ETV1: variants seen among roughly 807,000 people sequenced by gnomAD.
ETV1 encodes ETS variant transcription factor 1.
Under a neutral mutation model 62.3 loss-of-function variants are expected in ETV1, and 27 were observed. The observed-to-expected ratio is 0.43, with a 90% confidence interval of 0.32 to 0.60. The LOEUF (loss-of-function observed/expected upper bound fraction) is 0.60. Among genes scored for constraint, ETV1 ranks in the 20% least tolerant of loss-of-function variants. ETV1 has a pLI of 0.06. For synonymous variants in ETV1, 222 were observed against 199.6 expected, an observed-to-expected ratio of 1.11 and a Z score of -0.94; for missense variants, 605 against 605.8, an observed-to-expected ratio of 1.00 and a Z score of 0.01.
intron 6 of ETV1, among the ~76,000 whole-genome samples, chr7:13,966,231 T>G (rs533630599): frequency 2.0e-5 from 3 of 152,316 alleles, no homozygotes; most frequent in Admixed American, 6.5e-5. Flanking sequence ...CCCTATAACA[T>G]GAATTTTAGC....
chr7:13,922,937 GTAAATAGCAA>G (rs1474800669), intron 9 of ETV1, among the ~76,000 whole-genome samples: 1 of 152,170 alleles, frequency 6.6e-6, no homozygotes, highest in African/African-American at 2.4e-5. Flanking sequence ...CATCTTGTAA[GTAAATAGCAA>G]TAAATTGTTT....
At chr7:13,924,328 T>C (rs6972876) in intron 9 of ETV1, among the ~76,000 whole-genome samples, 5 of 152,186 alleles carry the variant, frequency 3.3e-5, no homozygotes, top group African/African-American at 1.2e-4. Context: ...AATTAGCCAC[T>C]TTTTCTTCTC....
intron 9 of ETV1, among the ~76,000 whole-genome samples, chr7:13,916,565 G>A (rs1258193159): frequency 5.3e-5 from 8 of 152,096 alleles, no homozygotes; most frequent in Admixed American, 3.9e-4. Context: ...TTGAACCCAG[G>A]AGCCGGAGGT....
intron 9 of ETV1, among the ~76,000 whole-genome samples, chr7:13,913,878 C>CTTTTTT (rs544899107): frequency 4.3e-4 from 38 of 87,980 alleles, no homozygotes; most frequent in Non-Finnish European, 6.6e-4. Flanking sequence ...GGGGGTACCT[C>CTTTTTT]TTTTTTTTTT....
At chr7:13,930,497 G>T (rs1468666451) in intron 9 of ETV1, among the ~76,000 whole-genome samples, 2 of 151,074 alleles carry the variant, frequency 1.3e-5, no homozygotes, top group South Asian at 2.1e-4. Flanking sequence ...AATTTTTTGT[G>T]TTTTTAGTAC....
intron 6 of ETV1, among the ~76,000 whole-genome samples, chr7:13,940,227 T>G (rs749887258): frequency 6.6e-6 from 1 of 151,994 alleles, no homozygotes; most frequent in Non-Finnish European, 1.5e-5. Flanking sequence ...GCCGGTATGA[T>G]GGCAGGTGCT....
At position 13,895,725 on chromosome 7, in the gene ETV1, C is replaced by A. The variant is rs1781705126; in HGVS notation, c.*141G>T. 4 of 667,958 alleles carry A rather than the reference C, an allele frequency of 6.0e-6. No individual in the cohort carries two copies. In the East Asian group the frequency reaches 1.1e-4, roughly 18 times the overall value. 41.4% of individuals were successfully genotyped at this position (667,958 alleles called of 1,614,324 possible). A position where few individuals can be genotyped will look rare whatever the true frequency, so the allele number is the denominator to read the frequency against. On this transcript the variant is annotated 3_prime_UTR_variant, in exon 14 of 14. Transcript: ENST00000430479. ...GTCCATGGCAGACCATAGAATAATG[C>A]AACAGGAAAAGCCCCTTTTTGTGTA...
rs182468147 is a variant in ETV1 at position 13,977,303 on chromosome 7, A to G, written c.235+124T>C. 6.8e-4 allele frequency: 407 copies of G among 598,482 alleles called. 1 individual carries two copies. In the African/African-American group the frequency reaches 6.9e-3, roughly 10 times the overall value. The allele number at this position is 598,482 out of a possible 1,614,324, so 37.1% of individuals were successfully genotyped here. On this transcript the variant is annotated intron_variant, in intron 6 of 13. Transcript: ENST00000430479. ...CAAATCAAATCATCTTATGGCTGTA[A>G]GTTAAAAAGGTGCTGGTACAATGTA...
chr7:13,925,536 A>C (rs892447310), intron 9 of ETV1, among the ~76,000 whole-genome samples: 7 of 151,634 alleles, frequency 4.6e-5, no homozygotes, highest in Non-Finnish European at 8.8e-5. Flanking sequence ...ATGAGTTTGG[A>C]CACTTCTCTT....
intron 9 of ETV1, among the ~76,000 whole-genome samples, chr7:13,930,759 T>C (rs1786017084): frequency 6.6e-6 from 1 of 151,912 alleles, no homozygotes; most frequent in African/African-American, 2.4e-5. Flanking sequence ...TAAGAATTCT[T>C]ACTTACGAAC....
chr7:13,936,043 G>A (rs554574886), intron 7 of ETV1, 147 bp from the exon 8 acceptor site: 1 of 650,848 alleles, frequency 1.5e-6, no homozygotes, highest in Non-Finnish European at 2.6e-6. Flanking sequence ...TTTAAATCCA[G>A]AACAGATAAA....
At position 13,989,127 on chromosome 7, in the gene ETV1, G is replaced by A; in HGVS notation, c.-75C>T. On this transcript the variant is annotated 5_prime_UTR_variant, in exon 3 of 14. Coordinates refer to ENST00000430479, the MANE Select transcript of ETV1 (RefSeq NM_004956.5). ...TAGCTGGAGATTTCCTCAGGATCTG[G>A]ACTTCTATCAACCTAGAGGGGAACA... The A allele has an allele frequency of 7.7e-7, 1 of 1,305,612 alleles. No homozygotes were observed. Among genetic ancestry groups the A allele is most frequent in the Non-Finnish European group, 1.1e-6 (1 of 923,946 alleles). The allele number at this position is 1,305,612 out of a possible 1,614,324, so 80.9% of individuals were successfully genotyped here.
chr7:13,981,146 A>G (rs1329323375), intron 5 of ETV1, among the ~76,000 whole-genome samples: 1 of 152,094 alleles, frequency 6.6e-6, no homozygotes, highest in East Asian at 1.9e-4. Flanking sequence ...ACAAACGTCA[A>G]GTATAAAAGG....
intron 6 of ETV1, among the ~76,000 whole-genome samples, chr7:13,949,445 A>G (rs1364219840): frequency 1.3e-5 from 2 of 152,210 alleles, no homozygotes; most frequent in African/African-American, 4.8e-5. Context: ...ATGGTGTCAC[A>G]TGCTTTGTGA....
chr7:13,921,841 T>C (rs1309126122), intron 9 of ETV1, among the ~76,000 whole-genome samples: 5 of 152,178 alleles, frequency 3.3e-5, no homozygotes, highest in Admixed American at 2.0e-4. Flanking sequence ...AGAGTGAACG[T>C]ATACCGAATT....
At position 13,907,656 on chromosome 7, in the gene ETV1, G is replaced by A. The variant is rs1480034788; in HGVS notation, c.941-1057C>T. 4.7e-5 allele frequency: 13 copies of A among 279,176 alleles called. No individual in the cohort carries two copies. In the South Asian group the frequency reaches 5.4e-4, roughly 12 times the overall value. 17.3% of individuals were successfully genotyped at this position (279,176 alleles called of 1,614,324 possible). A position where few individuals can be genotyped will look rare whatever the true frequency, so the allele number is the denominator to read the frequency against. On this transcript the variant is annotated intron_variant, in intron 11 of 13. Coordinates refer to ENST00000430479, the MANE Select transcript of ETV1 (RefSeq NM_004956.5). ...TTGGGGATTGAGTGTCTAGGGCCCT[G>A]CAAGTATGTCATTGTTAGTGCATAA... is the stretch of plus-strand genomic sequence containing the variant.
chr7:13,990,202 A>T (rs1466766228), upstream of ETV1, among the ~76,000 whole-genome samples: 1 of 152,124 alleles, frequency 6.6e-6, no homozygotes, highest in African/African-American at 2.4e-5. Flanking sequence ...CCCGTTTTTC[A>T]AAACCCACCA....
chr7:13,973,904 C>G (rs1450326068), intron 6 of ETV1, among the ~76,000 whole-genome samples: 1 of 152,072 alleles, frequency 6.6e-6, no homozygotes, highest in Non-Finnish European at 1.5e-5. Flanking sequence ...CGAATTAAGA[C>G]TCTGAAGATG....
chr7:13,984,072 A>G (rs1182846099), intron 5 of ETV1, among the ~76,000 whole-genome samples: 1 of 151,994 alleles, frequency 6.6e-6, no homozygotes, highest in Non-Finnish European at 1.5e-5. Flanking sequence ...GAGGACTTTT[A>G]TAATTTTTCA....
Sources: gnomAD v4.1 joint callset for allele counts (sites outside exome capture counted in the v4.1 genomes callset) on GRCh38, gnomAD v4.1.1 for gene constraint, MANE v1.5 for transcripts, NCBI Gene and HGNC (gene_info 2026-07-23, HGNC 2026-07-21) for gene names.